TMEM117: variants seen among roughly 807,000 people sequenced by gnomAD.
TMEM117 encodes transmembrane protein 117.
TMEM117 carries 27 observed loss-of-function variants against 52.4 expected under a neutral mutation model. The observed-to-expected ratio is 0.51, with a 90% CI of 0.38 to 0.71. The LOEUF (loss-of-function observed/expected upper bound fraction) is 0.71, where lower values mean the gene tolerates loss of function less well. Ranked by LOEUF, TMEM117 falls within the 30% of genes least tolerant of loss-of-function variation. The probability of loss-of-function intolerance (pLI) is 0.00; values close to 1 mark genes in which losing one functional copy is unlikely to be tolerated. For missense variants in TMEM117, 556 were observed against 630.5 expected (o/e 0.88, Z 1.26); for synonymous variants, 215 against 206.3 (o/e 1.04, Z -0.36).
At chr12:44,245,422 T>A (rs1950116435) in intron 5 of TMEM117, among the ~76,000 whole-genome samples, 1 of 152,030 alleles carries the variant, frequency 6.6e-6, no homozygotes, top group Admixed American at 6.6e-5. Context: ...ACCTTCCTGG[T>A]TAAATGTACT....
intron 6 of TMEM117, among the ~76,000 whole-genome samples, chr12:44,341,763 G>A (rs1458782542): frequency 1.3e-5 from 2 of 152,088 alleles, no homozygotes; most frequent in Admixed American, 6.6e-5. Flanking sequence ...AAGGAATAAC[G>A]GATAGAAACT....
chr12:44,128,639 C>T (rs1948365923), intron 3 of TMEM117, among the ~76,000 whole-genome samples: 1 of 152,118 alleles, frequency 6.6e-6, no homozygotes, highest in South Asian at 2.1e-4. Flanking sequence ...TGCTCCTAAG[C>T]TTCTTGTTCC....
chr12:44,107,051 T>C (rs1947968119), intron 3 of TMEM117, among the ~76,000 whole-genome samples: 1 of 152,068 alleles, frequency 6.6e-6, no homozygotes, highest in Non-Finnish European at 1.5e-5. Context: ...GATGGTATAA[T>C]TTTAAAAACG....
intron 3 of TMEM117, among the ~76,000 whole-genome samples, chr12:43,973,362 G>A (rs1945622808): frequency 6.6e-6 from 1 of 152,162 alleles, no homozygotes; most frequent in Admixed American, 6.5e-5. Context: ...AGAGAAAAAT[G>A]TAAAGGCCTT....
At chr12:44,334,186 G>T (rs1473941042) in intron 6 of TMEM117, among the ~76,000 whole-genome samples, 1 of 151,972 alleles carries the variant, frequency 6.6e-6, no homozygotes, top group Non-Finnish European at 1.5e-5. Context: ...TCTTAAGTAT[G>T]ATTTCAAATC....
At chr12:44,299,790 G>C in intron 6 of TMEM117, 51 bp downstream of exon 6, 2 of 1,599,968 alleles carry the variant, frequency 1.3e-6, no homozygotes, top group South Asian at 2.2e-5. Flanking sequence ...TCTGTTCCCA[G>C]TATAACAAAC....
chr12:44,335,499 C>T (rs527932332), intron 6 of TMEM117, among the ~76,000 whole-genome samples: 1 of 152,036 alleles, frequency 6.6e-6, no homozygotes, highest in Admixed American at 6.6e-5. Context: ...AGTACATGCT[C>T]AGAGAGGTTA....
At chr12:44,334,331 T>C (rs1464734599) in intron 6 of TMEM117, among the ~76,000 whole-genome samples, 1 of 152,060 alleles carries the variant, frequency 6.6e-6, no homozygotes. Flanking sequence ...AATGGATTCA[T>C]TGACTTTAGG....
intron 5 of TMEM117, among the ~76,000 whole-genome samples, chr12:44,290,139 A>G (rs1950686495): frequency 1.3e-5 from 2 of 152,168 alleles, no homozygotes; most frequent in South Asian, 4.1e-4. Context: ...TTGTAAAACC[A>G]TCTCCCATTT....
chr12:43,872,775 A>G (rs573882167), intron 2 of TMEM117, among the ~76,000 whole-genome samples: 77 of 152,326 alleles, frequency 5.1e-4, no homozygotes, highest in Non-Finnish European at 6.2e-4. Flanking sequence ...AGAAATTGTC[A>G]TGAAATAAAA....
chr12:44,190,063 C>T lies in TMEM117; in HGVS notation c.511-21227C>T, dbSNP rs141046691. ...CAAGGATTGGTCCACATGAACTGTG[C>T]GCACAGTATGGATTCAGAGTATGGA... On this transcript the variant is annotated intron_variant, in intron 4 of 7. Coordinates refer to ENST00000266534, the MANE Select transcript of TMEM117 (RefSeq NM_032256.3). 2.2e-4 allele frequency among the ~76,000 whole-genome samples: 34 copies of T among 152,234 alleles called. No individual in the cohort carries two copies. The East Asian group carries it at 6.0e-3, about 27-fold the overall frequency.
intron 2 of TMEM117, among the ~76,000 whole-genome samples, chr12:43,892,155 G>C (rs956602916): frequency 1.3e-5 from 2 of 152,076 alleles, no homozygotes; most frequent in South Asian, 2.1e-4. Flanking sequence ...ATTTATTATG[G>C]AGAAAGAATC....
At chr12:44,159,001 T>C (rs1948864382) in intron 4 of TMEM117, among the ~76,000 whole-genome samples, 1 of 152,132 alleles carries the variant, frequency 6.6e-6, no homozygotes. Context: ...CCTCAGAGAC[T>C]GGGGTGATGC....
At chr12:44,193,348 T>G (rs1949379118) in intron 4 of TMEM117, among the ~76,000 whole-genome samples, 5 of 152,184 alleles carry the variant, frequency 3.3e-5, no homozygotes, top group Admixed American at 3.3e-4. Context: ...CAGCAATCTT[T>G]TCAAAACCAT....
chr12:44,290,837 C>T (rs1225294317), intron 5 of TMEM117, among the ~76,000 whole-genome samples: 5 of 152,062 alleles, frequency 3.3e-5, no homozygotes, highest in African/African-American at 9.7e-5. Flanking sequence ...AGCGAGGTCT[C>T]ACTATGTTAC....
chr12:44,239,437 T>C (rs1428855760), intron 5 of TMEM117, among the ~76,000 whole-genome samples: 2 of 152,158 alleles, frequency 1.3e-5, no homozygotes, highest in Non-Finnish European at 2.9e-5. Context: ...GATGTTCCTG[T>C]CACAATATTC....
intron 2 of TMEM117, among the ~76,000 whole-genome samples, chr12:43,910,555 G>A (rs1161914813): frequency 6.6e-6 from 1 of 151,334 alleles, no homozygotes; most frequent in Non-Finnish European, 1.5e-5. Flanking sequence ...AAGTCAAATT[G>A]TCCCTGTTTG....
the TMEM117 span, among the ~76,000 whole-genome samples, chr12:43,807,083 CATGT>C: frequency 6.6e-6 from 1 of 152,148 alleles, no homozygotes; most frequent in African/African-American, 2.4e-5. Context: ...CTTTTACAAA[CATGT>C]AGTTCCTTCC....
chr12:43,841,721 C>T (rs1359380975), intron 1 of TMEM117, among the ~76,000 whole-genome samples: 2 of 152,200 alleles, frequency 1.3e-5, no homozygotes, highest in Non-Finnish European at 2.9e-5. Context: ...AAATGGTGAT[C>T]AGGCCCTGGA....
Sources: allele counts gnomAD v4.1 joint callset (sites outside exome capture counted in the v4.1 genomes callset), GRCh38; gene constraint gnomAD v4.1.1; transcripts MANE v1.5; gene names NCBI Gene and HGNC (gene_info 2026-07-23, HGNC 2026-07-21).